NDST3: variants seen among roughly 807,000 people sequenced by gnomAD.
NDST3 encodes the protein bifunctional heparan sulfate N-deacetylase/N-sulfotransferase 3.
In NDST3, 58 loss-of-function variants were observed where a neutral mutation model predicts 96.1. That is an observed-to-expected ratio of 0.60 (90% CI 0.49 to 0.75). NDST3 has a LOEUF of 0.75. Ranked by LOEUF, NDST3 falls within the 30% of genes least tolerant of loss-of-function variation. The probability of loss-of-function intolerance (pLI) is 0.00; values close to 1 mark genes in which losing one functional copy is unlikely to be tolerated. For missense variants in NDST3, 788 were observed against 1,034.2 expected, an observed-to-expected ratio of 0.76 and a Z score of 3.27; for synonymous variants, 333 against 359.7, an observed-to-expected ratio of 0.93 and a Z score of 0.84.
chr4:118,078,654 C>T (rs542259034), intron 2 of NDST3, among the ~76,000 whole-genome samples: 8 of 151,142 alleles, frequency 5.3e-5, no homozygotes, highest in Admixed American at 4.6e-4. Context: ...GAAGCTGAAG[C>T]AGGAGAATCG....
intron 3 of NDST3, among the ~76,000 whole-genome samples, chr4:118,110,558 A>G (rs551566258): frequency 4.1e-4 from 62 of 152,362 alleles, no homozygotes; most frequent in Non-Finnish European, 6.9e-4. Context: ...ACAACACAAC[A>G]TAAACTCTCA....
At chr4:118,231,340 A>T (rs966418336) in intron 8 of NDST3, among the ~76,000 whole-genome samples, 1 of 95,762 alleles carries the variant, frequency 1.0e-5, no homozygotes, top group Non-Finnish European at 2.7e-5. Context: ...CATCTAAAAA[A>T]AAATAAATAA....
intron 6 of NDST3, among the ~76,000 whole-genome samples, chr4:118,204,607 T>C (rs1239975917): frequency 1.4e-5 from 2 of 144,600 alleles, no homozygotes; most frequent in Non-Finnish European, 3.1e-5. Context: ...TAAACTTCCA[T>C]TGAGGTTACT....
At chr4:118,196,322 T>A (rs1222827399) in intron 6 of NDST3, among the ~76,000 whole-genome samples, 1 of 152,190 alleles carries the variant, frequency 6.6e-6, no homozygotes, top group Non-Finnish European at 1.5e-5. Flanking sequence ...TTGATGTGTC[T>A]ATGTCTGGTT....
chr4:118,114,683 G>T, intron 3 of NDST3, 123 bp from the exon 4 acceptor site: 2 of 1,089,338 alleles, frequency 1.8e-6, no homozygotes, highest in Middle Eastern at 2.1e-4. Flanking sequence ...AGCCTTATAC[G>T]TAAAACAGAA....
chr4:118,035,678 G>A (rs1371663274), intron 1 of NDST3, among the ~76,000 whole-genome samples: 2 of 151,770 alleles, frequency 1.3e-5, no homozygotes, highest in Non-Finnish European at 2.9e-5. Flanking sequence ...ATATAAAGAG[G>A]CTTGCCTAAG....
In NDST3 at chr4:118,068,166, C is replaced by CTTTT. The variant is rs34891564; in HGVS notation, c.981+13296_981+13299dup. Among the ~76,000 whole-genome samples the CTTTT allele has an allele frequency of 2.6e-3, 218 of 84,276 alleles. 1 individual carries two copies. Among genetic ancestry groups the CTTTT allele is most frequent in the Middle Eastern group, 7.8e-3 (1 of 128 alleles). 55.3% of individuals were successfully genotyped at this position (84,276 alleles called of 152,430 possible). Reference sequence around the variant, plus strand: ...ATAGTCAACAGCTTATACTTGATCTCTTTTTTTTTTTTTTTTTTTTTTTTG... The same window carrying CTTTT: ...ATAGTCAACAGCTTATACTTGATCTCTTTTTTTTTTTTTTTTTTTTTTTTTTTTG... On this transcript the variant is annotated intron_variant, in intron 2 of 13. Coordinates refer to ENST00000296499, the MANE Select transcript of NDST3 (RefSeq NM_004784.3).
intron 6 of NDST3, among the ~76,000 whole-genome samples, chr4:118,162,277 G>A (rs1449963089): frequency 6.6e-6 from 1 of 152,132 alleles, no homozygotes; most frequent in Non-Finnish European, 1.5e-5. Flanking sequence ...AACCAAAAAA[G>A]AGCCCTCATT....
chr4:118,191,884 T>C (rs1737331339), intron 6 of NDST3, among the ~76,000 whole-genome samples: 1 of 152,206 alleles, frequency 6.6e-6, no homozygotes, highest in African/African-American at 2.4e-5. Flanking sequence ...GTAGTTGTAC[T>C]AATTTACATT....
intron 6 of NDST3, among the ~76,000 whole-genome samples, chr4:118,144,026 A>G (rs1387929699): frequency 1.3e-5 from 2 of 152,102 alleles, no homozygotes; most frequent in Non-Finnish European, 2.9e-5. Flanking sequence ...TTTAGACAAC[A>G]GTTACCTCTA....
At chr4:118,066,322 TATTATGTATTA>T (rs1726439349) in intron 2 of NDST3, among the ~76,000 whole-genome samples, 1 of 17,788 alleles carries the variant, frequency 5.6e-5, no homozygotes, top group Non-Finnish European at 2.3e-4. Context: ...ATATTATATA[TATTATGTATTA>T]TATATATTAT....
At chr4:118,096,870 T>C (rs993994113) in intron 2 of NDST3, among the ~76,000 whole-genome samples, 1 of 151,944 alleles carries the variant, frequency 6.6e-6, no homozygotes, top group Non-Finnish European at 1.5e-5. Context: ...GTAGTGTGCA[T>C]TCCAGTCTAA....
At chr4:118,057,756 T>C (rs1020751026) in intron 2 of NDST3, among the ~76,000 whole-genome samples, 8 of 152,112 alleles carry the variant, frequency 5.3e-5, no homozygotes, top group East Asian at 1.9e-4. Context: ...TTGCAGTAAG[T>C]TGGAGTCAGG....
chr4:118,033,528 C>G (rs796592956), upstream of NDST3: 5 of 151,880 alleles, frequency 3.3e-5, no homozygotes, highest in African/African-American at 1.2e-4. Context: ...AGGCGGCTCC[C>G]GTCCTCAGCT....
intron 9 of NDST3, among the ~76,000 whole-genome samples, chr4:118,234,196 G>T (rs1207821997): frequency 1.3e-5 from 2 of 152,098 alleles, no homozygotes; most frequent in African/African-American, 4.8e-5. Flanking sequence ...TGGATCACAT[G>T]AAGTCAGGAG....
chr4:118,179,726 C>T (rs554763426), intron 6 of NDST3, among the ~76,000 whole-genome samples: 1 of 151,826 alleles, frequency 6.6e-6, no homozygotes, highest in East Asian at 1.9e-4. Flanking sequence ...AGGGCTAGTT[C>T]CTCCCATCTC....
chr4:118,212,407 G>A (rs1280622859), intron 6 of NDST3, among the ~76,000 whole-genome samples: 1 of 152,122 alleles, frequency 6.6e-6, no homozygotes, highest in Non-Finnish European at 1.5e-5. Context: ...AGGCATGGCT[G>A]TATGCACCTG....
chr4:118,048,035 A>G (rs527966009), intron 1 of NDST3, among the ~76,000 whole-genome samples: 4 of 152,330 alleles, frequency 2.6e-5, no homozygotes, highest in African/African-American at 9.6e-5. Context: ...CACACCTTTC[A>G]GCAGAAACAT....
chr4:118,137,820 A>G (rs1425253611), intron 4 of NDST3, among the ~76,000 whole-genome samples: 2 of 152,150 alleles, frequency 1.3e-5, no homozygotes, highest in African/African-American at 4.8e-5. Context: ...TAAAATCACT[A>G]GATCTGTCTC....
Sources: gnomAD v4.1 joint callset for allele counts (sites outside exome capture counted in the v4.1 genomes callset) on GRCh38, gnomAD v4.1.1 for gene constraint, MANE v1.5 for transcripts, NCBI Gene and HGNC (gene_info 2026-07-23, HGNC 2026-07-21) for gene names.